BET1: variants seen among roughly 807,000 people sequenced by gnomAD.
The protein encoded by BET1 is BET1 homolog.
A neutral mutation model predicts 13.9 loss-of-function variants in BET1; 9 were observed. The ratio of observed to expected loss-of-function variants is 0.65; its 90% CI spans 0.39 to 1.13. The LOEUF is 1.13. BET1 is among the 50% of genes most tolerant of loss of function. The pLI is 0.01. For missense variants in BET1, 127 were observed against 133.6 expected (o/e 0.95, Z 0.24); for synonymous variants, 39 against 47.3 (o/e 0.82, Z 0.72).
At chr7:93,968,477 CCTT>C (rs1393865813) in intron 6 of BET1, 2 of 151,714 alleles carry the variant, frequency 1.3e-5, no homozygotes, top group East Asian at 1.9e-4. Flanking sequence ...ATAACAAATG[CCTT>C]CTTCTGTGGG....
In BET1 at chr7:93,985,389, C is replaced by T. The variant is rs150998332; in HGVS notation, c.235+8963G>A. On this transcript the variant is annotated intron_variant and NMD_transcript_variant, in intron 4 of 6. Transcript: ENST00000357520. ...AACATAAGGCTATTACTAATACTCA[C>T]CTTAAGGATATTATGCAGGTTAAAT... Among the ~76,000 whole-genome samples, 150 of 152,198 alleles carry T rather than the reference C, an allele frequency of 9.9e-4. 1 individual carries two copies. Among genetic ancestry groups the T allele is most frequent in the Middle Eastern group, 3.4e-3 (1 of 294 alleles).
chr7:93,968,645 T>TG (rs773408515), intron 6 of BET1, among the ~76,000 whole-genome samples: 2 of 151,806 alleles, frequency 1.3e-5, no homozygotes, highest in Non-Finnish European at 2.9e-5. Flanking sequence ...CTTATATACC[T>TG]GCTAAGTTGC....
At chr7:93,994,728 T>A (rs1795723842) in intron 3 of BET1, among the ~76,000 whole-genome samples, 1 of 152,138 alleles carries the variant, frequency 6.6e-6, no homozygotes, top group Non-Finnish European at 1.5e-5. Flanking sequence ...ATCACACAGA[T>A]TTTTTTCCCC....
chr7:93,985,980 A>AT (rs1421279196), intron 4 of BET1, among the ~76,000 whole-genome samples: 4 of 152,168 alleles, frequency 2.6e-5, no homozygotes, highest in Non-Finnish European at 5.9e-5. Context: ...TGAGATTTAA[A>AT]TGTTTTTATC....
intron 4 of BET1, chr7:93,976,241 T>C (rs1795333814): frequency 1.7e-6 from 1 of 574,262 alleles, no homozygotes; most frequent in Non-Finnish European, 2.5e-6. Flanking sequence ...GGAAGGCTTA[T>C]GTGATAGAAA....
chr7:93,963,172 A>G (rs555330609), exon 7 of BET1: 2 of 152,008 alleles, frequency 1.3e-5, no homozygotes, highest in Admixed American at 6.6e-5. Context: ...TTTTAAGACT[A>G]AAACTGAAAC....
intron 1 of BET1, 51 bp from the exon 2 acceptor site, chr7:93,999,345 C>T (rs377535180): frequency 6.4e-7 from 1 of 1,557,360 alleles, no homozygotes; most frequent in Non-Finnish European, 8.7e-7. Context: ...ACTTTTGAAA[C>T]ACTGTTAGTT....
At chr7:93,985,432 G>T (rs1795508183) in intron 4 of BET1, among the ~76,000 whole-genome samples, 1 of 152,138 alleles carries the variant, frequency 6.6e-6, no homozygotes. Context: ...GTTACATAAA[G>T]TGTTCAGAAC....
At chr7:93,989,139 G>A (rs1158746281), downstream of BET1, among the ~76,000 whole-genome samples, 6 of 151,152 alleles carry the variant, frequency 4.0e-5, no homozygotes, top group Non-Finnish European at 5.9e-5. Flanking sequence ...TCAGCCTCCC[G>A]AGTAGCTGGG....
intron 4 of BET1, among the ~76,000 whole-genome samples, chr7:93,981,899 A>G (rs1795436405): frequency 6.6e-6 from 1 of 152,170 alleles, no homozygotes; most frequent in Non-Finnish European, 1.5e-5. Flanking sequence ...ACCAGTGGGC[A>G]GTGCCAGGAT....
intron 1 of BET1, among the ~76,000 whole-genome samples, chr7:94,003,436 C>T (rs1489329787): frequency 1.3e-5 from 2 of 148,430 alleles, no homozygotes; most frequent in Non-Finnish European, 2.9e-5. Flanking sequence ...GTATACTGCA[C>T]TCTAATTTAG....
At chr7:93,967,377 A>G (rs1397364498) in intron 6 of BET1, among the ~76,000 whole-genome samples, 1 of 151,800 alleles carries the variant, frequency 6.6e-6, no homozygotes, top group African/African-American at 2.4e-5. Context: ...AGTAGGCAAT[A>G]TTGTATTTAA....
intron 6 of BET1, among the ~76,000 whole-genome samples, chr7:93,969,021 A>T (rs1316671240): frequency 6.6e-6 from 1 of 151,858 alleles, no homozygotes; most frequent in African/African-American, 2.4e-5. Context: ...AGATAGAAAC[A>T]GCTACTTTTC....
intron 6 of BET1, chr7:93,965,711 A>G (rs527313268): frequency 6.6e-6 from 1 of 152,204 alleles, no homozygotes; most frequent in South Asian, 2.1e-4. Context: ...AAGATTTATG[A>G]AAGTATAAGT....
intron 4 of BET1, among the ~76,000 whole-genome samples, chr7:93,977,506 C>T (rs1267294438): frequency 3.9e-5 from 6 of 151,948 alleles, no homozygotes; most frequent in African/African-American, 1.5e-4. Flanking sequence ...TAAATGAATC[C>T]TCATATTTTA....
At chr7:93,962,778 T>C (rs139859501) in exon 7 of BET1, 24 of 151,938 alleles carry the variant, frequency 1.6e-4, no homozygotes, top group Admixed American at 7.2e-4. Context: ...AATTTAATGG[T>C]CAGATAAACC....
intron 4 of BET1, among the ~76,000 whole-genome samples, chr7:93,977,627 T>G (rs927457292): frequency 1.3e-5 from 2 of 152,238 alleles, no homozygotes; most frequent in Admixed American, 6.5e-5. Flanking sequence ...TTTCTCTCTC[T>G]CTAGCTCTTA....
intron 3 of BET1, among the ~76,000 whole-genome samples, chr7:93,995,853 A>T (rs775607168): frequency 6.6e-5 from 10 of 152,162 alleles, no homozygotes; most frequent in Non-Finnish European, 8.8e-5. Context: ...TTCATAAGTG[A>T]TCCTTAGGAA....
chr7:93,994,495 TTG>T (rs746270212), intron 3 of BET1, 110 bp from the exon 4 acceptor site: 194 of 1,213,962 alleles, frequency 1.6e-4, no homozygotes, highest in Non-Finnish European at 2.1e-4. Context: ...AATGACAGTT[TTG>T]TGTTTAATCA....
Sources: gnomAD v4.1 joint callset for allele counts (sites outside exome capture counted in the v4.1 genomes callset) on GRCh38, gnomAD v4.1.1 for gene constraint, MANE v1.5 for transcripts, NCBI Gene and HGNC (gene_info 2026-07-23, HGNC 2026-07-21) for gene names.